The following SPATA13 variants were observed in gnomAD, a reference collection of about 807,000 sequenced individuals.
The protein encoded by SPATA13 is spermatogenesis-associated protein 13.
In SPATA13, 50 loss-of-function variants were observed where a neutral mutation model predicts 104.0. The ratio of observed to expected loss-of-function variants is 0.48; its 90% CI spans 0.38 to 0.61. The LOEUF (loss-of-function observed/expected upper bound fraction) is 0.61. Among genes scored for constraint, SPATA13 ranks in the 20% least tolerant of loss-of-function variants. The probability of loss-of-function intolerance (pLI) is 0.00; values close to 1 mark genes in which losing one functional copy is unlikely to be tolerated. For missense variants in SPATA13, 1,524 were observed against 1,690.6 expected, an observed-to-expected ratio of 0.90 and a Z score of 1.73; for synonymous variants, 606 against 667.5, an observed-to-expected ratio of 0.91 and a Z score of 1.42.
At chr13:24,053,584 G>A (rs1241846557) in intron 3 of SPATA13, among the ~76,000 whole-genome samples, 1 of 152,056 alleles carries the variant, frequency 6.6e-6, no homozygotes, top group Non-Finnish European at 1.5e-5. Context: ...CTGGGCCCAC[G>A]GTGGGAGTAT....
intron 3 of SPATA13, among the ~76,000 whole-genome samples, chr13:24,019,110 A>G (rs1876849963): frequency 8.9e-6 from 1 of 112,334 alleles, no homozygotes; most frequent in Non-Finnish European, 1.9e-5. Flanking sequence ...TTTTTTTGAG[A>G]CGGAGTCTCG....
At chr13:24,055,627 C>T (rs1593302207) in intron 3 of SPATA13, among the ~76,000 whole-genome samples, 1 of 152,188 alleles carries the variant, frequency 6.6e-6, no homozygotes, top group Non-Finnish European at 1.5e-5. Flanking sequence ...CAGAAGTATT[C>T]GAGAACAAGG....
chr13:23,994,750 T>C (rs1375193263), intron 2 of SPATA13, among the ~76,000 whole-genome samples: 1 of 152,218 alleles, frequency 6.6e-6, no homozygotes, highest in East Asian at 1.9e-4. Context: ...CACTCAGTTT[T>C]GGAAACAGAA....
At chr13:24,149,252 C>A (rs1396371919) in intron 3 of SPATA13, among the ~76,000 whole-genome samples, 5 of 152,168 alleles carry the variant, frequency 3.3e-5, no homozygotes, top group Middle Eastern at 3.2e-3. Flanking sequence ...AGCAAATTTC[C>A]ACCAGAATTA....
At chr13:24,217,486 G>C (rs1167845288) in intron 1 of SPATA13, among the ~76,000 whole-genome samples, 2 of 152,192 alleles carry the variant, frequency 1.3e-5, no homozygotes, top group Non-Finnish European at 2.9e-5. Context: ...GACACATGCT[G>C]AGAACACAGT....
At chr13:24,145,862 G>T (rs1002670715) in intron 3 of SPATA13, among the ~76,000 whole-genome samples, 2 of 152,206 alleles carry the variant, frequency 1.3e-5, no homozygotes, top group African/African-American at 4.8e-5. Context: ...GCACAGCTGG[G>T]GCTTGGAGGA....
At chr13:24,185,920 G>A (rs1410868701) in intron 1 of SPATA13, among the ~76,000 whole-genome samples, 8 of 152,054 alleles carry the variant, frequency 5.3e-5, no homozygotes, top group Admixed American at 3.3e-4. Context: ...TCTGGCAGGC[G>A]TTGATGTTTT....
chr13:24,036,276 G>T lies in SPATA13; in HGVS notation c.-112+18575G>T, dbSNP rs188960379. On this transcript the variant is annotated intron_variant, in intron 3 of 14. Coordinates refer to the SPATA13 transcript ENST00000424834. ...TTGGTGTTTTGCAAATCTCCCTGGC[G>T]TCAGGGTTAATGGAAGACAGCTGGG... 1.4e-3 allele frequency among the ~76,000 whole-genome samples: 210 copies of T among 152,300 alleles called. 4 individuals carry two copies. The highest frequency in any genetic ancestry group is 4.9e-3 in the African/African-American group (205 of 41,568).
intron 3 of SPATA13, among the ~76,000 whole-genome samples, chr13:24,120,432 G>A (rs1443352582): frequency 5.3e-5 from 8 of 152,152 alleles, no homozygotes; most frequent in Non-Finnish European, 1.2e-4. Context: ...CCTATCAGGC[G>A]CAGCAGCAGT....
chr13:24,006,544 G>A (rs1411460475), intron 2 of SPATA13, among the ~76,000 whole-genome samples: 1 of 152,214 alleles, frequency 6.6e-6, no homozygotes. Flanking sequence ...GCAGAGGAGC[G>A]AATAGAGGCC....
At chr13:24,186,510 A>G (rs1042434011) in intron 1 of SPATA13, among the ~76,000 whole-genome samples, 1 of 152,214 alleles carries the variant, frequency 6.6e-6, no homozygotes, top group Non-Finnish European at 1.5e-5. Context: ...ACGAATAAAA[A>G]TAGGACATCA....
At chr13:24,174,206 A>AG (rs1883117831) in intron 1 of SPATA13, among the ~76,000 whole-genome samples, 1 of 152,188 alleles carries the variant, frequency 6.6e-6, no homozygotes, top group Non-Finnish European at 1.5e-5. Flanking sequence ...TTTTAAAGAA[A>AG]GCGGTCCATT....
chr13:24,087,951 T>C (rs1225747206), intron 3 of SPATA13, among the ~76,000 whole-genome samples: 1 of 152,232 alleles, frequency 6.6e-6, no homozygotes, highest in Non-Finnish European at 1.5e-5. Flanking sequence ...CCAGCCCAGC[T>C]CTTCCAGCTT....
chr13:24,136,480 A>G (rs562271851), intron 3 of SPATA13, among the ~76,000 whole-genome samples: 72 of 152,288 alleles, frequency 4.7e-4, no homozygotes, highest in Non-Finnish European at 8.4e-4. Context: ...TAGTCAAAAA[A>G]AGAAAGAGAA....
intron 2 of SPATA13, among the ~76,000 whole-genome samples, chr13:24,236,720 G>A (rs1872593735): frequency 6.6e-6 from 1 of 151,934 alleles, no homozygotes; most frequent in African/African-American, 2.4e-5. Flanking sequence ...CATTAGAATG[G>A]CTACTATAAA....
At chr13:24,092,466 A>G (rs1405186546) in intron 3 of SPATA13, among the ~76,000 whole-genome samples, 1 of 152,230 alleles carries the variant, frequency 6.6e-6, no homozygotes, top group Non-Finnish European at 1.5e-5. Flanking sequence ...TTAGAAGCAG[A>G]AGAGTTAATA....
At chr13:24,123,697 A>G in intron 3 of SPATA13, 1 of 1,572,942 alleles carries the variant, frequency 6.4e-7, no homozygotes, top group Non-Finnish European at 8.7e-7. Flanking sequence ...TCTTCTTGCC[A>G]AAGTTCCTCA....
Position 23,999,019 on chromosome 13 carries a change from A to G in SPATA13, c.-147+15086A>G, listed in dbSNP as rs115607227. 4.8e-3 allele frequency among the ~76,000 whole-genome samples: 709 copies of G among 148,850 alleles called. 9 individuals are homozygous for G. Among genetic ancestry groups the G allele is most frequent in the African/African-American group, 0.017 (695 of 40,200 alleles). ...CTGTTTACTGCAACCTCTGCCTCCC[A>G]TGTTCAAGCAATTCTTACGCCTCAG... On this transcript the variant is annotated intron_variant, in intron 2 of 14. Transcript: ENST00000424834.
chr13:24,239,059 G>A (rs1872708422), intron 2 of SPATA13, among the ~76,000 whole-genome samples: 1 of 152,212 alleles, frequency 6.6e-6, no homozygotes, highest in South Asian at 2.1e-4. Context: ...TAAAGCAGGT[G>A]TGATACAATC....
Sources: gnomAD v4.1 joint callset for allele counts (sites outside exome capture counted in the v4.1 genomes callset) on GRCh38, gnomAD v4.1.1 for gene constraint, MANE v1.5 for transcripts, NCBI Gene and HGNC (gene_info 2026-07-23, HGNC 2026-07-21) for gene names.